Variants in PTPRT observed in about 807,000 individuals in gnomAD.
The protein encoded by PTPRT is receptor-type tyrosine-protein phosphatase T.
PTPRT carries 56 observed loss-of-function variants against 176.8 expected under a neutral mutation model. The observed-to-expected ratio is 0.32, with a 90% CI of 0.26 to 0.40. The LOEUF (loss-of-function observed/expected upper bound fraction) is 0.40. Ranked by LOEUF, PTPRT falls within the 10% of genes least tolerant of loss-of-function variation. PTPRT has a pLI of 1.00. For synonymous variants in PTPRT, 783 were observed against 739.0 expected (o/e 1.06, Z -0.96); for missense variants, 1,540 against 1,908.2 (o/e 0.81, Z 3.60).
chr20:42,296,571 T>C (rs2057390681), intron 12 of PTPRT, among the ~76,000 whole-genome samples: 1 of 152,090 alleles, frequency 6.6e-6, no homozygotes, highest in Admixed American at 6.6e-5. Context: ...CACCAGAAAG[T>C]ATTATAAAAT....
At chr20:42,621,951 G>A (rs1032626829) in intron 7 of PTPRT, among the ~76,000 whole-genome samples, 4 of 152,130 alleles carry the variant, frequency 2.6e-5, no homozygotes, top group Admixed American at 2.6e-4. Flanking sequence ...GAAAAGCAGA[G>A]GTGAAATGAG....
chr20:42,371,132 G>T (rs919772676), intron 9 of PTPRT, among the ~76,000 whole-genome samples: 1 of 152,302 alleles, frequency 6.6e-6, no homozygotes, highest in Admixed American at 6.5e-5. Context: ...ATAACAATGG[G>T]GATGGTGACC....
intron 1 of PTPRT, among the ~76,000 whole-genome samples, chr20:43,050,228 C>T (rs774510973): frequency 1.3e-5 from 2 of 152,286 alleles, no homozygotes; most frequent in Non-Finnish European, 1.5e-5. Flanking sequence ...CAGGGAGAGA[C>T]AAGAGCATGG....
chr20:43,036,755 A>G (rs568468106), intron 1 of PTPRT, among the ~76,000 whole-genome samples: 1 of 152,358 alleles, frequency 6.6e-6, no homozygotes, highest in South Asian at 2.1e-4. Context: ...AGGAAGATGG[A>G]GAAAAAATAC....
chr20:42,311,583 T>C (rs2057630234), intron 12 of PTPRT, among the ~76,000 whole-genome samples: 1 of 152,200 alleles, frequency 6.6e-6, no homozygotes, highest in Non-Finnish European at 1.5e-5. Context: ...CTCTATCTCA[T>C]CCTTTGTCTT....
chr20:43,056,052 C>A (rs1038414574), intron 1 of PTPRT, among the ~76,000 whole-genome samples: 1 of 152,142 alleles, frequency 6.6e-6, no homozygotes, highest in African/African-American at 2.4e-5. Flanking sequence ...TAAAAGAAAA[C>A]TGAAGTCCAC....
intron 6 of PTPRT, among the ~76,000 whole-genome samples, chr20:42,693,872 C>A (rs986945340): frequency 1.3e-5 from 2 of 152,082 alleles, no homozygotes; most frequent in African/African-American, 4.8e-5. Context: ...CCACCTCCCT[C>A]CCCACTTCCC....
chr20:42,263,879 T>C (rs1362964265), intron 13 of PTPRT, among the ~76,000 whole-genome samples: 1 of 151,850 alleles, frequency 6.6e-6, no homozygotes, highest in Non-Finnish European at 1.5e-5. Flanking sequence ...GGAATAAATA[T>C]TGGAAGGGGA....
At chr20:42,890,808 A>G (rs11907313) in intron 1 of PTPRT, among the ~76,000 whole-genome samples, 3,082 of 152,302 alleles carry the variant, frequency 0.02, 54 homozygotes, top group Middle Eastern at 0.051. Context: ...CCCCACTCAA[A>G]TCTCATCCTG....
intron 7 of PTPRT, among the ~76,000 whole-genome samples, chr20:42,579,219 C>T (rs1326073787): frequency 6.6e-6 from 1 of 151,976 alleles, no homozygotes; most frequent in Non-Finnish European, 1.5e-5. Flanking sequence ...TCATCCATGT[C>T]CCTACAAAGG....
At chr20:42,801,705 C>T (rs1341866196) in intron 2 of PTPRT, among the ~76,000 whole-genome samples, 1 of 152,136 alleles carries the variant, frequency 6.6e-6, no homozygotes, top group Non-Finnish European at 1.5e-5. Context: ...AAAGAAAACA[C>T]CTACAACTTT....
At chr20:42,511,907 T>C (rs761579714) in intron 7 of PTPRT, among the ~76,000 whole-genome samples, 2 of 152,086 alleles carry the variant, frequency 1.3e-5, no homozygotes, top group Admixed American at 6.6e-5. Flanking sequence ...GAACGTATAG[T>C]GTGTACATTA....
At chr20:43,047,197 C>A (rs1477276779) in intron 1 of PTPRT, among the ~76,000 whole-genome samples, 1 of 152,122 alleles carries the variant, frequency 6.6e-6, no homozygotes, top group Non-Finnish European at 1.5e-5. Flanking sequence ...TTCCTGAGAA[C>A]CCACAGTGCT....
chr20:42,452,677 A>G (rs2070852931), intron 8 of PTPRT, among the ~76,000 whole-genome samples: 1 of 152,228 alleles, frequency 6.6e-6, no homozygotes, highest in African/African-American at 2.4e-5. Flanking sequence ...TCTGATGAAG[A>G]CTGTGAGCAT....
intron 9 of PTPRT, among the ~76,000 whole-genome samples, chr20:42,406,915 C>T (rs2058966136): frequency 6.6e-6 from 1 of 152,164 alleles, no homozygotes; most frequent in South Asian, 2.1e-4. Context: ...GTTATTGTGC[C>T]ACCCAGTAGC....
chr20:42,226,798 G>T (rs1193481434), intron 15 of PTPRT, among the ~76,000 whole-genome samples: 1 of 152,082 alleles, frequency 6.6e-6, no homozygotes, highest in South Asian at 2.1e-4. Flanking sequence ...AAAGGGTATT[G>T]CTACGGTCTT....
At chr20:42,545,384 C>T (rs2072656579) in intron 7 of PTPRT, among the ~76,000 whole-genome samples, 1 of 152,186 alleles carries the variant, frequency 6.6e-6, no homozygotes, top group Admixed American at 6.5e-5. Flanking sequence ...AGCCAGCTGA[C>T]AGCAGTGTGT....
At position 42,081,897 on chromosome 20, in the gene PTPRT, G is replaced by A. The variant is rs749039421; in HGVS notation, c.4257C>T (p.Asn1419=). 1.9e-6 allele frequency: 3 copies of A among 1,614,236 alleles called. No individual in the cohort carries two copies. The highest frequency in any genetic ancestry group is 1.7e-5 in the Admixed American group (1 of 60,032). The part of the protein sequence containing the change: ...IVKTLRNNKS[N]MVETLEQYKF... Reference sequence around the variant, plus strand: ...GGATACTCACCAGGGTCTCCACCATGTTGGATTTGTTGTTACGCAGTGTTT... The same window carrying A: ...GGATACTCACCAGGGTCTCCACCATATTGGATTTGTTGTTACGCAGTGTTT... The change falls in exon 30 of 31, where the codon AAC becomes AAT. Residue 1419 remains asparagine (N), a synonymous_variant. Coordinates refer to ENST00000373187, the MANE Select transcript of PTPRT (RefSeq NM_007050.6).
intron 12 of PTPRT, among the ~76,000 whole-genome samples, chr20:42,301,588 C>A (rs768897195): frequency 6.6e-6 from 1 of 151,588 alleles, no homozygotes; most frequent in Admixed American, 6.6e-5. Flanking sequence ...TTGGAAATTG[C>A]GCATTAAAGC....
Sources: gnomAD v4.1 joint callset for allele counts (sites outside exome capture counted in the v4.1 genomes callset) on GRCh38, gnomAD v4.1.1 for gene constraint, MANE v1.5 for transcripts, NCBI Gene and HGNC (gene_info 2026-07-23, HGNC 2026-07-21) for gene names.